Variants in MAN1C1 observed in about 807,000 individuals in gnomAD.
MAN1C1 encodes mannosidase alpha class 1C member 1.
A neutral mutation model predicts 71.5 loss-of-function variants in MAN1C1; 49 were observed. The observed-to-expected ratio is 0.69, with a 90% confidence interval of 0.54 to 0.87. The LOEUF is 0.87. Ranked by LOEUF, MAN1C1 falls within the 40% of genes least tolerant of loss-of-function variation. The pLI is 0.00. For synonymous variants in MAN1C1, 352 were observed against 343.7 expected, an observed-to-expected ratio of 1.02 and a Z score of -0.27; for missense variants, 743 against 835.0, an observed-to-expected ratio of 0.89 and a Z score of 1.36.
At chr1:25,781,240 A>G in intron 10 of MAN1C1, 128 bp downstream of exon 10, 5 of 987,464 alleles carry the variant, frequency 5.1e-6, no homozygotes, top group South Asian at 3.2e-5. Context: ...ACCACAGTTC[A>G]GAGTGCAAAG....
At chr1:25,643,249 A>AATTT (rs1553182428) in intron 1 of MAN1C1, among the ~76,000 whole-genome samples, 1 of 122,056 alleles carries the variant, frequency 8.2e-6, no homozygotes, top group African/African-American at 3.5e-5. Context: ...TTAATTAATT[A>AATTT]ATTAATTTAT....
At chr1:25,641,499 G>A (rs1222645627) in intron 1 of MAN1C1, among the ~76,000 whole-genome samples, 1 of 152,164 alleles carries the variant, frequency 6.6e-6, no homozygotes, top group Admixed American at 6.5e-5. Flanking sequence ...TAAAAGAACC[G>A]GTCTTGTGAA....
At position 25,730,904 on chromosome 1, in the gene MAN1C1, G is replaced by A. The variant is rs1047547287; in HGVS notation, c.638-15764G>A. 8.5e-5 allele frequency among the ~76,000 whole-genome samples: 13 copies of A among 152,228 alleles called. No homozygotes were observed. Among genetic ancestry groups the A allele is most frequent in the Non-Finnish European group, 1.2e-4 (8 of 68,044 alleles). ...TAGTACCTTGGACAGATGCAGACTCGCTGCTGGCTCAGAGAGGTTAAGTCA... is the reference window on the plus strand; with the variant it reads ...TAGTACCTTGGACAGATGCAGACTCACTGCTGGCTCAGAGAGGTTAAGTCA... On this transcript the variant is annotated intron_variant, in intron 2 of 11. Transcript: ENST00000374332. This position sits in a 1 kb window ranked among gnomAD's most constrained non-coding sequence, Gnocchi z 4.3.
In MAN1C1 at chr1:25,764,496, T is replaced by A. The variant is rs1197859203; in HGVS notation, c.1141+529T>A. Reference sequence around the variant, plus strand: ...GGCACGATCTCGGCTCACTGCAACCTCTGCCTCCCAGGTTCAAGTGATTCT... The same window carrying A: ...GGCACGATCTCGGCTCACTGCAACCACTGCCTCCCAGGTTCAAGTGATTCT... On this transcript the variant is annotated intron_variant, in intron 7 of 11. Transcript: ENST00000374332. The surrounding 1 kb of genome is among the most constrained non-coding windows in gnomAD (Gnocchi z 4.4). 6.6e-6 allele frequency among the ~76,000 whole-genome samples: 1 copy of A among 151,988 alleles called. No individual in the cohort carries two copies. The highest frequency in any genetic ancestry group is 2.0e-4 in the East Asian group (1 of 5,110).
At chr1:25,770,901 G>A (rs2047541758) in intron 7 of MAN1C1, among the ~76,000 whole-genome samples, 1 of 151,940 alleles carries the variant, frequency 6.6e-6, no homozygotes, top group South Asian at 2.1e-4. Context: ...ATGCCTTTAC[G>A]TTTCCCTGTT....
chr1:25,691,392 G>A (rs2046307021), intron 2 of MAN1C1, among the ~76,000 whole-genome samples: 1 of 152,194 alleles, frequency 6.6e-6, no homozygotes, highest in Admixed American at 6.5e-5. Flanking sequence ...CTTTGCCACT[G>A]CATGACCTTG....
chr1:25,691,349 C>T (rs1253094109), intron 2 of MAN1C1, among the ~76,000 whole-genome samples: 1 of 152,164 alleles, frequency 6.6e-6, no homozygotes, highest in Non-Finnish European at 1.5e-5. Flanking sequence ...AGAACTTGGA[C>T]TCTGGGGCCA....
chr1:25,707,104 A>ACATGAGTTGAATGAATG (rs2046534211), intron 2 of MAN1C1, among the ~76,000 whole-genome samples: 1 of 152,224 alleles, frequency 6.6e-6, no homozygotes, highest in South Asian at 2.1e-4. Context: ...CATTCAACTA[A>ACATGAGTTGAATGAATG]TCACATGAGT....
chr1:25,737,767 G>C (rs933840318), intron 2 of MAN1C1, among the ~76,000 whole-genome samples: 8 of 152,082 alleles, frequency 5.3e-5, no homozygotes, highest in African/African-American at 1.7e-4. Context: ...CTTGGGAAAA[G>C]GCTGAATGTA....
intron 2 of MAN1C1, among the ~76,000 whole-genome samples, chr1:25,731,631 G>A (rs544335810): frequency 6.6e-6 from 1 of 152,136 alleles, no homozygotes; most frequent in South Asian, 2.1e-4. Context: ...TCTGTCTCAG[G>A]CTCCTTCCTC....
chr1:25,673,679 T>C (rs1572139184), intron 1 of MAN1C1, among the ~76,000 whole-genome samples: 1 of 152,308 alleles, frequency 6.6e-6, no homozygotes, highest in East Asian at 1.9e-4. Flanking sequence ...TGCTATGCCT[T>C]ACCTCCTCCC....
chr1:25,708,955 A>G (rs1406906223), intron 2 of MAN1C1, among the ~76,000 whole-genome samples: 1 of 152,032 alleles, frequency 6.6e-6, no homozygotes, highest in Non-Finnish European at 1.5e-5. Context: ...ATTCCACTCC[A>G]ACTGGGGTCT....
At chr1:25,658,567 C>A (rs992643415) in intron 1 of MAN1C1, among the ~76,000 whole-genome samples, 2 of 152,212 alleles carry the variant, frequency 1.3e-5, no homozygotes, top group African/African-American at 4.8e-5. Flanking sequence ...CCTGCCACCT[C>A]AGCCTCCCCT....
chr1:25,700,369 G>A (rs2046425534), intron 2 of MAN1C1, among the ~76,000 whole-genome samples: 1 of 152,200 alleles, frequency 6.6e-6, no homozygotes, highest in Non-Finnish European at 1.5e-5. Context: ...GCCCAGAAAT[G>A]CATCTGGAGA....
intron 1 of MAN1C1, 51 bp downstream of exon 1, chr1:25,618,388 A>G (rs1342381075): frequency 6.5e-7 from 1 of 1,532,674 alleles, no homozygotes; most frequent in African/African-American, 1.4e-5. Flanking sequence ...CTCTAAGGAG[A>G]GAAGACCCTC....
intron 1 of MAN1C1, among the ~76,000 whole-genome samples, chr1:25,684,306 T>C (rs1001045183): frequency 1.3e-5 from 2 of 152,198 alleles, no homozygotes; most frequent in Non-Finnish European, 2.9e-5. Context: ...TTTGTTGTTA[T>C]TGCCAATTCA....
At chr1:25,647,424 A>T (rs1188622057) in intron 1 of MAN1C1, among the ~76,000 whole-genome samples, 1 of 152,116 alleles carries the variant, frequency 6.6e-6, no homozygotes, top group Non-Finnish European at 1.5e-5. Context: ...ACGAGTCCAA[A>T]GGAAGAGGTG....
chr1:25,729,202 C>G lies in MAN1C1; in HGVS notation c.638-17466C>G, dbSNP rs74959021. Reference sequence around the variant, plus strand: ...GCTCCCCTTATTCCCTCCCCCGAAACCTATGCTCCTCCCTGACCAGCTTCC... The same window carrying G: ...GCTCCCCTTATTCCCTCCCCCGAAAGCTATGCTCCTCCCTGACCAGCTTCC... On this transcript the variant is annotated intron_variant, in intron 2 of 11. Coordinates refer to ENST00000374332, the MANE Select transcript of MAN1C1 (RefSeq NM_020379.4). Among the ~76,000 whole-genome samples the G allele has an allele frequency of 1.5e-3, 232 of 152,338 alleles. 5 individuals are homozygous for G. The East Asian group carries it at 0.036, about 24-fold the overall frequency.
intron 9 of MAN1C1, among the ~76,000 whole-genome samples, chr1:25,780,227 A>G (rs766476515): frequency 6.6e-6 from 1 of 152,244 alleles, no homozygotes; most frequent in Non-Finnish European, 1.5e-5. Context: ...GAAATCATAA[A>G]TAGTGGCTAC....
Sources: allele counts gnomAD v4.1 joint callset (sites outside exome capture counted in the v4.1 genomes callset), GRCh38; gene constraint gnomAD v4.1.1; non-coding constraint Gnocchi (gnomAD v3.1); transcripts MANE v1.5; gene names NCBI Gene and HGNC (gene_info 2026-07-23, HGNC 2026-07-21).